Variants in ZNF536 observed in about 807,000 individuals in gnomAD.
ZNF536 encodes zinc finger protein 536.
ZNF536 carries 13 observed loss-of-function variants against 84.5 expected under a neutral mutation model. The ratio of observed to expected loss-of-function variants is 0.15; its 90% CI spans 0.10 to 0.24. The LOEUF (loss-of-function observed/expected upper bound fraction) is 0.24. ZNF536 is among the 10% of genes least tolerant of loss of function. The pLI, the probability that ZNF536 is intolerant of heterozygous loss-of-function variation, is 1.00. For synonymous variants in ZNF536, 811 were observed against 742.5 expected, an observed-to-expected ratio of 1.09 and a Z score of -1.50; for missense variants, 1,536 against 1,747.5, an observed-to-expected ratio of 0.88 and a Z score of 2.16.
rs2146256389 is a variant in ZNF536, at chr19:30,549,424, A to G, written c.3805A>G (p.Arg1269Gly). The G allele has an allele frequency of 3.2e-6, 5 of 1,578,932 alleles. No individual in the cohort carries two copies. Among genetic ancestry groups the G allele is most frequent in the Admixed American group, 1.8e-5 (1 of 55,180 alleles). ...DKPMNMLSVL[R>G]AYSSDGLAAF... is the part of the protein sequence containing the mutation. ...GCCGATGAACATGCTGTCGGTCCTC[A>G]GGGCCTACAGTTCTGATGGCTTAGC... Residue 1269 changes from arginine to glycine, a missense_variant, in exon 4 of 5, where the codon AGG becomes GGG. By Grantham distance (125) the Arg-to-Gly change is moderately radical. Around this residue, in one of 8 missense-constraint regions of ZNF536, gnomAD observed 624 missense variants for 603.1 expected, o/e 1.03. Coordinates refer to ENST00000355537, the MANE Select transcript of ZNF536 (RefSeq NM_014717.3).
intron 2 of ZNF536, among the ~76,000 whole-genome samples, chr19:30,293,516 TC>T (rs966847073): frequency 6.6e-6 from 1 of 151,824 alleles, no homozygotes; most frequent in African/African-American, 2.4e-5. Context: ...TGCACGACAT[TC>T]CCCCCGCCTG....
At chr19:30,499,842 G>A (rs1227528445) in intron 2 of ZNF536, among the ~76,000 whole-genome samples, 1 of 152,148 alleles carries the variant, frequency 6.6e-6, no homozygotes, top group African/African-American at 2.4e-5. Context: ...CTTGGTGGAA[G>A]TCCATGTTCT....
At chr19:30,574,975 G>T (rs928124960) in intron 1 of ZNF536, among the ~76,000 whole-genome samples, 9 of 152,068 alleles carry the variant, frequency 5.9e-5, no homozygotes, top group African/African-American at 1.9e-4. Flanking sequence ...GCTGTAGTTC[G>T]TCATCTGGGT....
intron 2 of ZNF536, among the ~76,000 whole-genome samples, chr19:30,504,384 C>T (rs1599614852): frequency 6.9e-6 from 1 of 145,400 alleles, no homozygotes; most frequent in East Asian, 2.1e-4. Context: ...CTCCTTTCCT[C>T]TCCTCCTTCC....
chr19:30,629,313 C>T (rs944863884), intron 1 of ZNF536, among the ~76,000 whole-genome samples: 3 of 152,148 alleles, frequency 2.0e-5, no homozygotes, highest in Non-Finnish European at 4.4e-5. Flanking sequence ...AATCCTCTTA[C>T]CTCAGACTCC....
At chr19:30,251,176 T>A (rs1475895613) in intron 1 of ZNF536, among the ~76,000 whole-genome samples, 4 of 152,162 alleles carry the variant, frequency 2.6e-5, no homozygotes, top group African/African-American at 9.7e-5. Flanking sequence ...TGCACTTGAG[T>A]GTCTGGGTTC....
rs2148241313 is a variant in ZNF536, at chr19:30,445,830, G to A, written c.2170+98G>A. On this transcript the variant is annotated intron_variant, in intron 2 of 4. Coordinates refer to ENST00000355537, the MANE Select transcript of ZNF536 (RefSeq NM_014717.3). This position sits in a 1 kb window ranked among gnomAD's most constrained non-coding sequence, Gnocchi z 4.5. ...AGGCCTCCAGTCAGTTCCAAGGCCA[G>A]TGGGTCTTGATTGAGGACAGGGGTG... 5.5e-6 allele frequency: 8 copies of A among 1,457,810 alleles called. No homozygotes were observed. Among genetic ancestry groups the A allele is most frequent in the Non-Finnish European group, 6.4e-6 (7 of 1,097,742 alleles). The allele number at this position is 1,457,810 out of a possible 1,614,324, so 90.3% of individuals were successfully genotyped here.
At chr19:30,285,735 G>A (rs2045602499) in intron 2 of ZNF536, among the ~76,000 whole-genome samples, 3 of 152,122 alleles carry the variant, frequency 2.0e-5, no homozygotes, top group East Asian at 1.9e-4. Context: ...ACTGGATAGC[G>A]ATTGGTTGCG....
At chr19:30,694,652 A>G (rs1293779939) in intron 1 of ZNF536, among the ~76,000 whole-genome samples, 1 of 151,954 alleles carries the variant, frequency 6.6e-6, no homozygotes, top group Non-Finnish European at 1.5e-5. Context: ...ATTTTTTTAA[A>G]TGTAACATTG....
At chr19:30,492,430 T>C (rs535159633) in intron 2 of ZNF536, among the ~76,000 whole-genome samples, 106 of 152,304 alleles carry the variant, frequency 7.0e-4, no homozygotes, top group African/African-American at 2.4e-3. Context: ...GGAATGTTTG[T>C]TTTCAAAACA....
chr19:30,388,208 A>C (rs1000029316), intron 1 of ZNF536, among the ~76,000 whole-genome samples: 4 of 152,222 alleles, frequency 2.6e-5, no homozygotes, highest in African/African-American at 7.2e-5. Flanking sequence ...AACCTGAGTT[A>C]AGATAAAGAA....
chr19:30,443,823 G>C lies in ZNF536; in HGVS notation c.261G>C (p.Gln87His), dbSNP rs767534160. ...MGSQMALLAN[Q>H]LGREVDTSLN... Reference sequence around the variant, plus strand: ...GTCAGATGGCGCTCCTGGCCAACCAGCTGGGCCGGGAGGTGGACACCAGCC... The same window carrying C: ...GTCAGATGGCGCTCCTGGCCAACCACCTGGGCCGGGAGGTGGACACCAGCC... The change falls in exon 2 of 5, where the codon CAG (glutamine) becomes CAC (histidine). Residue 87 changes from glutamine (Q) to histidine (H), a missense_variant. By Grantham distance (24) the Gln-to-His change is conservative. Around this residue, in one of 8 missense-constraint regions of ZNF536, gnomAD observed 161 missense variants for 178.5 expected, o/e 0.90. Coordinates refer to ENST00000355537, the MANE Select transcript of ZNF536 (RefSeq NM_014717.3). The C allele has an allele frequency of 6.2e-7, 1 of 1,613,220 alleles. No homozygotes were observed.
At chr19:30,692,664 C>T (rs964413602) in intron 1 of ZNF536, among the ~76,000 whole-genome samples, 5 of 152,176 alleles carry the variant, frequency 3.3e-5, no homozygotes, top group South Asian at 2.1e-4. Context: ...AAGAGTGCTT[C>T]GCAGCTGTTG....
intron 2 of ZNF536, among the ~76,000 whole-genome samples, chr19:30,516,026 C>CAAAAAAAAAAAAAAAAAAA (rs553504551): frequency 1.3e-5 from 1 of 75,634 alleles, no homozygotes; most frequent in African/African-American, 4.7e-5. Flanking sequence ...GACTCCATCT[C>CAAAAAAAAAAAAAAAAAAA]AAAAAAAAAA....
intron 2 of ZNF536, among the ~76,000 whole-genome samples, chr19:30,466,400 A>C (rs757907676): frequency 1.3e-4 from 20 of 150,364 alleles, no homozygotes; most frequent in Non-Finnish European, 2.8e-4. Context: ...AACCCAAACC[A>C]AACCAAAACA....
intron 2 of ZNF536, among the ~76,000 whole-genome samples, chr19:30,447,656 T>C (rs2052416198): frequency 6.6e-6 from 1 of 152,180 alleles, no homozygotes; most frequent in Admixed American, 6.5e-5. Flanking sequence ...AGATCCCTAC[T>C]TGAGAGGCAG....
intron 2 of ZNF536, among the ~76,000 whole-genome samples, chr19:30,312,297 C>T (rs534531150): frequency 6.6e-6 from 1 of 151,842 alleles, no homozygotes; most frequent in South Asian, 2.1e-4. Context: ...ACAGAGGGGG[C>T]GGGGATGGAA....
chr19:30,632,561 A>T (rs537165687), intron 1 of ZNF536, among the ~76,000 whole-genome samples: 58 of 152,272 alleles, frequency 3.8e-4, no homozygotes, highest in African/African-American at 1.4e-3. Context: ...AGGTGAGATC[A>T]CGACATTGCA....
At chr19:30,699,722 G>A (rs911538055) in intron 1 of ZNF536, among the ~76,000 whole-genome samples, 6 of 152,164 alleles carry the variant, frequency 3.9e-5, no homozygotes, top group Admixed American at 2.0e-4. Context: ...GCCTCTTGAA[G>A]CTGAAGGCAG....
Sources: gnomAD v4.1 joint callset for allele counts (sites outside exome capture counted in the v4.1 genomes callset) on GRCh38, gnomAD v4.1.1 for gene constraint, gnomAD v4.1.1 regional missense constraint, Gnocchi (gnomAD v3.1) non-coding constraint, MANE v1.5 for transcripts, NCBI Gene and HGNC (gene_info 2026-07-23, HGNC 2026-07-21) for gene names.